ZFAND4: variants seen among roughly 807,000 people sequenced by gnomAD.
The protein encoded by ZFAND4 is AN1-type zinc finger protein 4.
In ZFAND4, 43 loss-of-function variants were observed where a neutral mutation model predicts 64.4. The observed-to-expected ratio is 0.67, with a 90% confidence interval of 0.52 to 0.86. The LOEUF is 0.86. Among genes scored for constraint, ZFAND4 ranks in the 40% least tolerant of loss-of-function variants. The pLI is 0.00. For missense variants in ZFAND4, 929 were observed against 859.8 expected (o/e 1.08, Z -1.01); for synonymous variants, 296 against 305.7 (o/e 0.97, Z 0.33).
At chr10:45,671,544 A>C (rs992297984) in intron 1 of ZFAND4, among the ~76,000 whole-genome samples, 3 of 152,200 alleles carry the variant, frequency 2.0e-5, no homozygotes, top group African/African-American at 7.2e-5. Flanking sequence ...ACATGGATGA[A>C]GCTGGAAACC....
rs755018937 is a variant in ZFAND4, at chr10:45,663,591, T to C, written c.135A>G (p.Ser45=). 1.4e-5 allele frequency: 23 copies of C among 1,608,310 alleles called. No individual in the cohort carries two copies. The Middle Eastern group carries it at 5.2e-4, about 36-fold the overall frequency. ...TCACAGAAATAACAGTTTCAAAAGG[T>C]GAAACTCTCAGCTCAAAACATGTTC... The part of the protein sequence containing the change: ...LTGTCFELRV[S]PFETVISVKA... Residue 45 remains serine (S), a synonymous_variant, in exon 2 of 10, where the codon TCA becomes TCG. Coordinates refer to ENST00000344646, the MANE Select transcript of ZFAND4 (RefSeq NM_174890.4).
intron 2 of ZFAND4, among the ~76,000 whole-genome samples, chr10:45,660,292 C>T (rs1269871776): frequency 6.6e-6 from 1 of 151,856 alleles, no homozygotes; most frequent in Non-Finnish European, 1.5e-5. Flanking sequence ...TCGAGTCCAG[C>T]CTGGCCAACA....
At chr10:45,620,153 GCTTAA>G (rs1312640536) in intron 8 of ZFAND4, among the ~76,000 whole-genome samples, 8 of 152,016 alleles carry the variant, frequency 5.3e-5, no homozygotes. Flanking sequence ...CTTAGGGGAT[GCTTAA>G]CTTGATATTC....
intron 2 of ZFAND4, 27 bp downstream of exon 2, chr10:45,663,515 A>G: frequency 6.5e-7 from 1 of 1,534,452 alleles, no homozygotes; most frequent in Non-Finnish European, 8.8e-7. Context: ...TAATTTTCAT[A>G]TCCTAAAAAC....
intron 5 of ZFAND4, among the ~76,000 whole-genome samples, chr10:45,641,567 T>C (rs1266751898): frequency 7.2e-5 from 11 of 152,218 alleles, no homozygotes. Flanking sequence ...ACTATACGCA[T>C]GGGTAGCATC....
intron 7 of ZFAND4, 26 bp downstream of exon 7, chr10:45,625,925 G>C (rs34187732): frequency 2.9e-5 from 46 of 1,598,468 alleles, no homozygotes; most frequent in Non-Finnish European, 3.8e-5. Context: ...ATAACTACTA[G>C]AGCATGTTGA....
intron 1 of ZFAND4, among the ~76,000 whole-genome samples, chr10:45,665,305 C>T (rs1217195236): frequency 6.6e-6 from 1 of 151,948 alleles, no homozygotes; most frequent in Non-Finnish European, 1.5e-5. Flanking sequence ...GTTGGGAGGC[C>T]GAGGTGGGCG....
At position 45,631,312 on chromosome 10, in the gene ZFAND4, G is replaced by GC. The variant is rs1181164659; in HGVS notation, c.718-4208dup. ...AGCCTGGGCAACACAGCAAGACTCC[G>GC]CCCCCCAAAAAAAAAAAATTCCAAA... On this transcript the variant is annotated intron_variant, in intron 6 of 9. Transcript: ENST00000344646. Among the ~76,000 whole-genome samples the GC allele has an allele frequency of 1.3e-3, 161 of 128,374 alleles. 2 individuals are homozygous for GC. Among genetic ancestry groups the GC allele is most frequent in the African/African-American group, 4.2e-3 (151 of 36,072 alleles). The allele number at this position is 128,374 out of a possible 152,430, so 84.2% of individuals were successfully genotyped here.
chr10:45,628,301 C>G (rs753236409), intron 6 of ZFAND4, among the ~76,000 whole-genome samples: 2 of 152,092 alleles, frequency 1.3e-5, no homozygotes, highest in African/African-American at 2.4e-5. Flanking sequence ...AAGGAAGAAA[C>G]CTTGGAAAGA....
chr10:45,619,046 T>C (rs1471956892), intron 8 of ZFAND4, among the ~76,000 whole-genome samples: 1 of 127,710 alleles, frequency 7.8e-6, no homozygotes, highest in Admixed American at 7.7e-5. Context: ...ATTAAATCAA[T>C]TTTTTTTTTT....
intron 4 of ZFAND4, chr10:45,650,445 G>A (rs2047685452): frequency 6.6e-6 from 1 of 152,036 alleles, no homozygotes; most frequent in Non-Finnish European, 1.5e-5. Context: ...CCAGGTGGCA[G>A]AGGTTGAAGT....
chr10:45,636,858 G>A (rs1393668103), intron 6 of ZFAND4, among the ~76,000 whole-genome samples: 1 of 152,088 alleles, frequency 6.6e-6, no homozygotes, highest in African/African-American at 2.4e-5. Context: ...GTGGGATGTA[G>A]AAATCTTTCA....
At chr10:45,624,767 T>A in intron 7 of ZFAND4, 130 bp from the exon 8 acceptor site, 1 of 743,486 alleles carries the variant, frequency 1.3e-6, no homozygotes, top group Non-Finnish European at 2.2e-6. Flanking sequence ...TTATTCCAAT[T>A]TTTGTTTAAT....
At chr10:45,638,789 G>A (rs2046796000) in intron 6 of ZFAND4, among the ~76,000 whole-genome samples, 5 of 152,122 alleles carry the variant, frequency 3.3e-5, no homozygotes, top group Admixed American at 3.3e-4. Flanking sequence ...AGAATTAACT[G>A]ATACATACAA....
chr10:45,638,087 G>C (rs756272481), intron 6 of ZFAND4, among the ~76,000 whole-genome samples: 5 of 152,128 alleles, frequency 3.3e-5, no homozygotes, highest in Non-Finnish European at 7.4e-5. Context: ...ACAGTCACCA[G>C]AATGGTTAAA....
intron 8 of ZFAND4, among the ~76,000 whole-genome samples, chr10:45,623,426 T>G (rs977699837): frequency 1.3e-5 from 2 of 151,272 alleles, no homozygotes; most frequent in African/African-American, 4.9e-5. Context: ...ATGTGTATAT[T>G]GTGTGTGTGT....
chr10:45,637,214 G>C (rs573579260), intron 6 of ZFAND4, among the ~76,000 whole-genome samples: 1 of 151,690 alleles, frequency 6.6e-6, no homozygotes, highest in African/African-American at 2.4e-5. Context: ...GGTGGCACAT[G>C]CCTGTAGTCC....
chr10:45,645,347 A>G (rs2047307220), intron 5 of ZFAND4, among the ~76,000 whole-genome samples: 1 of 152,138 alleles, frequency 6.6e-6, no homozygotes. Flanking sequence ...ATCTGAGTCT[A>G]TCCTGTGTTA....
At chr10:45,620,351 C>T (rs908611582) in intron 8 of ZFAND4, among the ~76,000 whole-genome samples, 2 of 151,984 alleles carry the variant, frequency 1.3e-5, no homozygotes, top group African/African-American at 2.4e-5. Context: ...CATGGTAGCA[C>T]GCGCCTGTAG....
Sources: allele counts gnomAD v4.1 joint callset (sites outside exome capture counted in the v4.1 genomes callset), GRCh38; gene constraint gnomAD v4.1.1; transcripts MANE v1.5; gene names NCBI Gene and HGNC (gene_info 2026-07-23, HGNC 2026-07-21).